Variants in TG observed in about 807,000 individuals in gnomAD.
The protein encoded by TG is thyroglobulin, also known as thyroid hormones.
In TG, 270 loss-of-function variants were observed where a neutral mutation model predicts 324.7. The observed-to-expected ratio is 0.83, with a 90% CI of 0.75 to 0.92. The LOEUF (loss-of-function observed/expected upper bound fraction) is 0.92. Among genes scored for constraint, TG ranks in the 40% least tolerant of loss-of-function variants. TG has a pLI of 0.00. For synonymous variants in TG, 1,401 were observed against 1,327.0 expected (o/e 1.06, Z -1.21); for missense variants, 3,591 against 3,456.4 (o/e 1.04, Z -0.98).
At chr8:132,939,508 GA>G (rs931081471) in intron 25 of TG, among the ~76,000 whole-genome samples, 2 of 152,200 alleles carry the variant, frequency 1.3e-5, no homozygotes, top group African/African-American at 4.8e-5. Flanking sequence ...GGGCTTTGGT[GA>G]AGAGTGGATT....
At chr8:133,101,150 G>A (rs532492382) in intron 43 of TG, among the ~76,000 whole-genome samples, 49 of 152,154 alleles carry the variant, frequency 3.2e-4, no homozygotes, top group African/African-American at 1.1e-3. Flanking sequence ...TCAGGGATGC[G>A]CTATCACCAC....
intron 43 of TG, among the ~76,000 whole-genome samples, chr8:133,106,136 G>A (rs545230468): frequency 1.1e-4 from 17 of 152,188 alleles, no homozygotes; most frequent in African/African-American, 2.7e-4. Flanking sequence ...CAGTGGGGGG[G>A]TTTGCCCAGC....
Position 132,961,065 on chromosome 8 carries a change from T to C in TG, c.5459T>C (p.Leu1820Pro), listed in dbSNP as rs1465731109. 1.2e-6 allele frequency: 2 copies of C among 1,613,948 alleles called. No homozygotes were observed. The highest frequency in any genetic ancestry group is 1.7e-6 in the Non-Finnish European group (2 of 1,179,962). The change falls in exon 28 of 48, where the codon CTC (leucine) becomes CCC (proline). Residue 1820 changes from leucine (L) to proline (P), a missense_variant. By Grantham distance (98) the Leu-to-Pro change is moderately conservative. Transcript: ENST00000220616. ...TTTACCAATTTTCAGCAGGTTTATC[T>C]CTGGAAAGGTGAGCTCCGTGGTGGA... The part of the protein sequence containing the change: ...DTFTNFQQVY[L>P]WKDSDMGSRP...
intron 43 of TG, 119 bp downstream of exon 43, chr8:133,096,492 G>A (rs1564186930): frequency 8.0e-7 from 1 of 1,246,366 alleles, no homozygotes; most frequent in East Asian, 2.3e-5. Flanking sequence ...TGTGTGCAAT[G>A]CCTATGTGAG....
chr8:133,084,408 A>G (rs1846206061), intron 41 of TG, among the ~76,000 whole-genome samples: 1 of 152,220 alleles, frequency 6.6e-6, no homozygotes, highest in African/African-American at 2.4e-5. Context: ...CTCATTGACA[A>G]TGGAAGGGAG....
chr8:133,102,536 C>A, intron 43 of TG: 1 of 1,551,516 alleles, frequency 6.4e-7, no homozygotes. Flanking sequence ...CCAATGACAG[C>A]AAAGTTAGCA....
intron 30 of TG, among the ~76,000 whole-genome samples, chr8:132,966,933 A>G (rs963228678): frequency 1.5e-4 from 23 of 152,026 alleles, no homozygotes; most frequent in African/African-American, 4.1e-4. Flanking sequence ...CTCTCCATCT[A>G]TCCGTCCATT....
chr8:133,061,116 T>G, intron 41 of TG, among the ~76,000 whole-genome samples: 1 of 152,222 alleles, frequency 6.6e-6, no homozygotes, highest in Non-Finnish European at 1.5e-5. Context: ...GTTCAAGCGA[T>G]TCTCCTGCCT....
chr8:133,090,366 A>T (rs1303529887), intron 41 of TG, among the ~76,000 whole-genome samples: 1 of 152,236 alleles, frequency 6.6e-6, no homozygotes, highest in Admixed American at 6.5e-5. Context: ...CCCTGAAAAG[A>T]CATAGTCCTT....
chr8:133,032,968 G>C (rs924326683), intron 41 of TG, among the ~76,000 whole-genome samples: 1 of 152,188 alleles, frequency 6.6e-6, no homozygotes, highest in Non-Finnish European at 1.5e-5. Flanking sequence ...CACACAGCAA[G>C]GAAGAAGCTG....
intron 41 of TG, among the ~76,000 whole-genome samples, chr8:133,030,591 A>G (rs1836544565): frequency 6.6e-6 from 1 of 152,276 alleles, no homozygotes; most frequent in Non-Finnish European, 1.5e-5. Flanking sequence ...TTGGTGCCAG[A>G]TATGCTGTGC....
intron 35 of TG, among the ~76,000 whole-genome samples, chr8:132,998,115 A>G (rs1202461418): frequency 6.6e-6 from 1 of 152,148 alleles, no homozygotes; most frequent in Non-Finnish European, 1.5e-5. Flanking sequence ...TCTAGAGCAC[A>G]GATAGAAGGA....
chr8:133,094,385 C>T lies in TG; in HGVS notation c.7240-659C>T, dbSNP rs554557090. 1.3e-4 allele frequency among the ~76,000 whole-genome samples: 20 copies of T among 151,856 alleles called. No homozygotes were observed. In the South Asian group the frequency reaches 1.9e-3, roughly 14 times the overall value. On this transcript the variant is annotated intron_variant, in intron 41 of 47. Transcript: ENST00000220616. Reference sequence around the variant, plus strand: ...CCTCCCAAGTAGCAGGGACTACAGGCGCCCGTCACCACGCCTGGCTAGTTT... The same window carrying T: ...CCTCCCAAGTAGCAGGGACTACAGGTGCCCGTCACCACGCCTGGCTAGTTT...
Position 133,081,881 on chromosome 8 carries a change from C to A in TG, c.7240-13163C>A, listed in dbSNP as rs146098379. On this transcript the variant is annotated intron_variant, in intron 41 of 47. Coordinates refer to ENST00000220616, the MANE Select transcript of TG (RefSeq NM_003235.5). ...CCTGTGTAAGCCTTCCTGCCTCTGA[C>A]GGATTGTCACACAGGCCCCACTCAA... is the stretch of plus-strand genomic sequence containing the variant. 1.5e-4 allele frequency among the ~76,000 whole-genome samples: 23 copies of A among 152,292 alleles called. No homozygotes were observed. In the East Asian group the frequency reaches 4.4e-3, roughly 29 times the overall value.
chr8:132,990,181 T>A (rs377502663), intron 35 of TG, among the ~76,000 whole-genome samples: 7 of 139,824 alleles, frequency 5.0e-5, no homozygotes, highest in African/African-American at 1.3e-4. Context: ...TATATATATA[T>A]AATATACATG....
chr8:133,031,705 C>T (rs190747543), intron 41 of TG, among the ~76,000 whole-genome samples: 3 of 152,062 alleles, frequency 2.0e-5, no homozygotes, highest in Non-Finnish European at 4.4e-5. Context: ...AGCATTGTCA[C>T]CATTGCCAAC....
chr8:132,935,887 C>G, intron 25 of TG, 23 bp downstream of exon 25: 1 of 1,596,904 alleles, frequency 6.3e-7, no homozygotes, highest in Non-Finnish European at 8.6e-7. Flanking sequence ...GGCTGGTTGG[C>G]TTAGGCCCGC....
intron 41 of TG, among the ~76,000 whole-genome samples, chr8:133,033,237 A>G (rs1239924615): frequency 6.6e-6 from 1 of 152,200 alleles, no homozygotes; most frequent in East Asian, 1.9e-4. Context: ...TTTGCAAACT[A>G]TCTTGCACAA....
intron 35 of TG, chr8:132,988,903 A>T: frequency 4.1e-6 from 4 of 985,230 alleles, no homozygotes; most frequent in Non-Finnish European, 4.8e-6. Flanking sequence ...AGAGGTGTGT[A>T]TTAGTTCATT....
Sources: allele counts gnomAD v4.1 joint callset (sites outside exome capture counted in the v4.1 genomes callset), GRCh38; gene constraint gnomAD v4.1.1; transcripts MANE v1.5; gene names NCBI Gene and HGNC (gene_info 2026-07-23, HGNC 2026-07-21).